HERC1: variants seen among roughly 807,000 people sequenced by gnomAD.
The protein encoded by HERC1 is probable E3 ubiquitin-protein ligase HERC1.
In HERC1, 160 loss-of-function variants were observed where a neutral mutation model predicts 554.3. The ratio of observed to expected loss-of-function variants is 0.29; its 90% CI spans 0.25 to 0.33. HERC1 has a LOEUF of 0.33. HERC1 is among the 10% of genes least tolerant of loss of function. The pLI, the probability that HERC1 is intolerant of heterozygous loss-of-function variation, is 1.00. For missense variants in HERC1, 4,919 were observed against 5,918.5 expected (o/e 0.83, Z 5.54); for synonymous variants, 2,175 against 2,131.7 (o/e 1.02, Z -0.56).
chr15:63,733,159 A>T lies in HERC1; in HGVS notation c.2647-14T>A. On this transcript the variant is annotated splice_polypyrimidine_tract_variant and intron_variant, in intron 13 of 77. Transcript: ENST00000443617. Reference sequence around the variant, plus strand: ...CAGTTGCATTCTCTAAAGAACAATAAAATAGGAACAAGTAACTAGCGTAAT... The same window carrying T: ...CAGTTGCATTCTCTAAAGAACAATATAATAGGAACAAGTAACTAGCGTAAT... 6.4e-7 allele frequency: 1 copy of T among 1,557,216 alleles called. No homozygotes were observed. The highest frequency in any genetic ancestry group is 8.9e-7 in the Non-Finnish European group (1 of 1,128,308).
chr15:63,696,396 C>G, intron 26 of HERC1, 57 bp from the exon 27 acceptor site: 1 of 1,229,646 alleles, frequency 8.1e-7, no homozygotes. Flanking sequence ...TGATGAAACT[C>G]TGTATGCCAA....
chr15:63,651,402 T>C (rs779235119), intron 52 of HERC1, 22 bp from the exon 53 acceptor site: 10 of 1,607,336 alleles, frequency 6.2e-6, no homozygotes, highest in Admixed American at 1.7e-5. Context: ...CAGACAGATA[T>C]GCAGTTCTAA....
intron 69 of HERC1, 91 bp from the exon 70 acceptor site, chr15:63,628,906 A>C: frequency 8.0e-7 from 1 of 1,244,154 alleles, no homozygotes; most frequent in African/African-American, 1.5e-5. Context: ...TGGCAGACAT[A>C]AATAAGTTAA....
intron 64 of HERC1, 77 bp from the exon 65 acceptor site, chr15:63,636,219 C>T: frequency 7.7e-7 from 1 of 1,297,578 alleles, no homozygotes; most frequent in African/African-American, 1.5e-5. Context: ...CTACTGAATA[C>T]CCTCAATCAA....
At chr15:63,785,134 T>G (rs1272932571) in intron 1 of HERC1, among the ~76,000 whole-genome samples, 1 of 152,158 alleles carries the variant, frequency 6.6e-6, no homozygotes, top group Non-Finnish European at 1.5e-5. Flanking sequence ...TAAGTAAGAA[T>G]TAACTGAAAG....
At chr15:63,785,506 C>CA (rs2076411341) in intron 1 of HERC1, among the ~76,000 whole-genome samples, 1 of 152,132 alleles carries the variant, frequency 6.6e-6, no homozygotes, top group East Asian at 1.9e-4. Context: ...CGCTGGCTAA[C>CA]ACCTGTAATC....
intron 12 of HERC1, among the ~76,000 whole-genome samples, chr15:63,743,911 G>A (rs557385996): frequency 6.6e-6 from 1 of 152,172 alleles, no homozygotes; most frequent in East Asian, 1.9e-4. Context: ...TCACTGTCTG[G>A]GCTTATCTGT....
chr15:63,664,691 T>C (rs1193939872), intron 42 of HERC1, 97 bp from the exon 43 acceptor site: 31 of 991,994 alleles, frequency 3.1e-5, no homozygotes, highest in Non-Finnish European at 4.5e-5. Flanking sequence ...TTTATTCTCA[T>C]TGAGAATAAA....
At chr15:63,643,673 C>A (rs756593560) in intron 57 of HERC1, 123 bp from the exon 58 acceptor site, 2 of 639,726 alleles carry the variant, frequency 3.1e-6, no homozygotes, top group Admixed American at 3.2e-5. Context: ...GAGATAATTT[C>A]TCTCATAAAG....
At chr15:63,695,090 C>T (rs2072326084) in intron 27 of HERC1, among the ~76,000 whole-genome samples, 196 bp from the exon 28 acceptor site, 1 of 152,088 alleles carries the variant, frequency 6.6e-6, no homozygotes, top group Admixed American at 6.5e-5. Flanking sequence ...TGCTGGGGTG[C>T]AGTGGTGCAA....
intron 12 of HERC1, among the ~76,000 whole-genome samples, chr15:63,742,131 T>G (rs1436043252): frequency 6.6e-6 from 1 of 152,244 alleles, no homozygotes; most frequent in Non-Finnish European, 1.5e-5. Flanking sequence ...GAGGTGTGTT[T>G]CCATTTATTT....
At chr15:63,671,866 A>T (rs1193481704) in intron 39 of HERC1, among the ~76,000 whole-genome samples, 2 of 152,244 alleles carry the variant, frequency 1.3e-5, no homozygotes, top group Non-Finnish European at 2.9e-5. Context: ...CTTAAGTCAT[A>T]GTTAAGAGAG....
At chr15:63,651,193 TAAG>T (rs1472698683) in intron 53 of HERC1, 57 bp downstream of exon 53, 79 of 1,520,820 alleles carry the variant, frequency 5.2e-5, no homozygotes, top group Non-Finnish European at 6.2e-5. Flanking sequence ...CTCAGAAGAC[TAAG>T]AAGAAGGCTT....
intron 22 of HERC1, among the ~76,000 whole-genome samples, chr15:63,715,259 A>G (rs1369343778): frequency 1.3e-5 from 2 of 152,212 alleles, no homozygotes; most frequent in African/African-American, 2.4e-5. Flanking sequence ...GCATATATAG[A>G]TGCTCTAAAA....
At chr15:63,669,478 A>T in intron 40 of HERC1, 60 bp downstream of exon 40, 2 of 1,501,386 alleles carry the variant, frequency 1.3e-6, no homozygotes, top group Non-Finnish European at 1.8e-6. Context: ...CCCACATAAT[A>T]AAGTCCCACA....
Position 63,727,603 on chromosome 15 carries a change from CTT to C in HERC1, c.3346+42_3346+43del. 6.9e-7 allele frequency: 1 copy of C among 1,459,306 alleles called. No homozygotes were observed. Among genetic ancestry groups the C allele is most frequent in the East Asian group, 2.4e-5 (1 of 41,238 alleles). 90.4% of individuals were successfully genotyped at this position (1,459,306 alleles called of 1,614,324 possible). A position where few individuals can be genotyped will look rare whatever the true frequency, so the allele number is the denominator to read the frequency against. ...ACAGTGATGTGTGCAAGAGGAACAA[CTT>C]TTCTCAAAGGCATTATTTGCTCTTT... On this transcript the variant is annotated intron_variant, in intron 17 of 77. Coordinates refer to ENST00000443617, the MANE Select transcript of HERC1 (RefSeq NM_003922.4). This position sits in a 1 kb window ranked among gnomAD's most constrained non-coding sequence, Gnocchi z 4.3.
chr15:63,697,905 G>T lies in HERC1; in HGVS notation c.4905+823C>A, dbSNP rs1258224110. On this transcript the variant is annotated intron_variant, in intron 26 of 77. Transcript: ENST00000443617. ...GAAGAATTAATCTCCACTTCCTGCA[G>T]GGAGAACTATGGAAGAATTGTGGAC... Among the ~76,000 whole-genome samples the T allele has an allele frequency of 5.3e-5, 8 of 152,168 alleles. No individual in the cohort carries two copies. In the East Asian group the frequency reaches 1.3e-3, roughly 26 times the overall value.
At chr15:63,821,057 C>G (rs947535001) in intron 1 of HERC1, among the ~76,000 whole-genome samples, 3 of 152,190 alleles carry the variant, frequency 2.0e-5, no homozygotes, top group Admixed American at 2.0e-4. Flanking sequence ...TAACATTTCA[C>G]ATGTAAGTAC....
chr15:63,609,346 T>C, intron 77 of HERC1, 80 bp from the exon 78 acceptor site: 1 of 1,250,102 alleles, frequency 8.0e-7, no homozygotes, highest in Non-Finnish European at 1.1e-6. Context: ...GACCTCTCCC[T>C]GCCTTCAAGA....
Sources: allele counts gnomAD v4.1 joint callset (sites outside exome capture counted in the v4.1 genomes callset), GRCh38; gene constraint gnomAD v4.1.1; non-coding constraint Gnocchi (gnomAD v3.1); transcripts MANE v1.5; gene names NCBI Gene and HGNC (gene_info 2026-07-23, HGNC 2026-07-21).